ADAP2: variants seen among roughly 807,000 people sequenced by gnomAD.
The protein encoded by ADAP2 is arf-GAP with dual PH domain-containing protein 2.
A neutral mutation model predicts 54.9 loss-of-function variants in ADAP2; 42 were observed. The observed-to-expected ratio is 0.77, with a 90% CI of 0.60 to 0.99. The LOEUF is 0.99. Among genes scored for constraint, ADAP2 ranks in the 50% least tolerant of loss-of-function variants. The probability of loss-of-function intolerance (pLI) is 0.00; values close to 1 mark genes in which losing one functional copy is unlikely to be tolerated. For missense variants in ADAP2, 429 were observed against 480.4 expected, an observed-to-expected ratio of 0.89 and a Z score of 1.00; for synonymous variants, 177 against 180.1, an observed-to-expected ratio of 0.98 and a Z score of 0.14.
At chr17:30,947,249 G>C (rs1299102081) in intron 6 of ADAP2, among the ~76,000 whole-genome samples, 2 of 152,328 alleles carry the variant, frequency 1.3e-5, no homozygotes, top group East Asian at 3.9e-4. Context: ...CATGTATGCA[G>C]GTTGGATTTG....
At chr17:30,953,827 A>G (rs1269585047) in intron 8 of ADAP2, among the ~76,000 whole-genome samples, 1 of 151,570 alleles carries the variant, frequency 6.6e-6, no homozygotes, top group African/African-American at 2.4e-5. Flanking sequence ...ATGAGCCACC[A>G]TGCCCAGCCA....
intron 5 of ADAP2, among the ~76,000 whole-genome samples, chr17:30,937,489 T>C (rs1911975108): frequency 6.6e-6 from 1 of 152,224 alleles, no homozygotes; most frequent in African/African-American, 2.4e-5. Context: ...CCCAAAATGC[T>C]GGGATTATAG....
chr17:30,923,818 G>A (rs1910830454), intron 2 of ADAP2, among the ~76,000 whole-genome samples: 1 of 146,800 alleles, frequency 6.8e-6, no homozygotes, highest in African/African-American at 2.5e-5. Context: ...TCCTGCCTCA[G>A]CCTCCTGAGT....
At chr17:30,937,499 G>C (rs1911975727) in intron 5 of ADAP2, among the ~76,000 whole-genome samples, 2 of 152,336 alleles carry the variant, frequency 1.3e-5, no homozygotes, top group African/African-American at 4.8e-5. Context: ...TGGGATTATA[G>C]GCATGAGCCA....
At chr17:30,932,326 G>A (rs1487981509) in intron 4 of ADAP2, among the ~76,000 whole-genome samples, 4 of 149,674 alleles carry the variant, frequency 2.7e-5, no homozygotes, top group Non-Finnish European at 3.0e-5. Context: ...TCAATCTCCC[G>A]GGCTCACATG....
At chr17:30,932,610 T>C (rs1452943942) in intron 4 of ADAP2, among the ~76,000 whole-genome samples, 1 of 149,188 alleles carries the variant, frequency 6.7e-6, no homozygotes, top group Non-Finnish European at 1.5e-5. Flanking sequence ...AGAGTCTTGC[T>C]CTTGTTGCCC....
chr17:30,927,379 C>G (rs912952041), intron 3 of ADAP2, among the ~76,000 whole-genome samples: 13 of 151,656 alleles, frequency 8.6e-5, no homozygotes, highest in African/African-American at 3.2e-4. Flanking sequence ...TTTGGGAAGC[C>G]GAAGCGGGCA....
intron 2 of ADAP2, among the ~76,000 whole-genome samples, 196 bp from the exon 3 acceptor site, chr17:30,926,631 C>G (rs557272989): frequency 1.3e-5 from 2 of 152,268 alleles, no homozygotes; most frequent in African/African-American, 4.8e-5. Context: ...GAGTCCTGTG[C>G]CCATATGAGG....
chr17:30,950,099 T>C (rs1257330637), intron 7 of ADAP2, among the ~76,000 whole-genome samples: 7 of 152,202 alleles, frequency 4.6e-5, no homozygotes, highest in Non-Finnish European at 8.8e-5. Flanking sequence ...TGATGAGTTA[T>C]ACAGTCCCAG....
chr17:30,942,033 G>A (rs1311267089), intron 5 of ADAP2, among the ~76,000 whole-genome samples: 1 of 151,950 alleles, frequency 6.6e-6, no homozygotes, highest in African/African-American at 2.4e-5. Context: ...ACCCTCACTA[G>A]TAGCTGGGAC....
At chr17:30,922,320 C>G (rs896526182) in intron 1 of ADAP2, among the ~76,000 whole-genome samples, 8 of 152,066 alleles carry the variant, frequency 5.3e-5, no homozygotes, top group African/African-American at 1.7e-4. Flanking sequence ...CCTACGAGCC[C>G]AGGCTCTGCT....
intron 5 of ADAP2, among the ~76,000 whole-genome samples, chr17:30,944,429 G>A (rs1248992209): frequency 6.6e-6 from 1 of 152,082 alleles, no homozygotes; most frequent in East Asian, 2.0e-4. Context: ...CTGAGGTCAG[G>A]AGTTCATGAG....
intron 6 of ADAP2, among the ~76,000 whole-genome samples, chr17:30,948,547 C>T (rs1383777208): frequency 6.6e-6 from 1 of 151,926 alleles, no homozygotes; most frequent in Non-Finnish European, 1.5e-5. Flanking sequence ...ACTCTAGCCT[C>T]GGCGACAGCA....
intron 2 of ADAP2, among the ~76,000 whole-genome samples, chr17:30,925,034 G>A (rs1285867054): frequency 5.9e-5 from 9 of 151,758 alleles, no homozygotes; most frequent in Admixed American, 3.3e-4. Flanking sequence ...CACCATGCTC[G>A]GCTAATTTTG....
intron 3 of ADAP2, among the ~76,000 whole-genome samples, chr17:30,931,410 GACAACAGA>G (rs1911472202): frequency 6.6e-6 from 1 of 152,194 alleles, no homozygotes; most frequent in East Asian, 1.9e-4. Flanking sequence ...CAACCCATAA[GACAACAGA>G]ACAAGGAATT....
chr17:30,931,287 A>G (rs1911458929), intron 3 of ADAP2, among the ~76,000 whole-genome samples: 1 of 152,170 alleles, frequency 6.6e-6, no homozygotes, highest in South Asian at 2.1e-4. Flanking sequence ...CCCCCAGAGG[A>G]CATTTGGCAA....
chr17:30,936,989 C>T (rs1052455069), intron 5 of ADAP2, among the ~76,000 whole-genome samples: 7 of 152,138 alleles, frequency 4.6e-5, no homozygotes, highest in South Asian at 2.1e-4. Context: ...AGTGCAGTGG[C>T]GTGATCTCGG....
chr17:30,954,788 A>G (rs944191682), intron 9 of ADAP2, among the ~76,000 whole-genome samples: 4 of 152,130 alleles, frequency 2.6e-5, no homozygotes, highest in African/African-American at 9.7e-5. Flanking sequence ...AATGCTGCCC[A>G]TGGTAGTTAA....
At chr17:30,937,223 C>T (rs1002232791) in intron 5 of ADAP2, among the ~76,000 whole-genome samples, 2 of 151,524 alleles carry the variant, frequency 1.3e-5, no homozygotes, top group Non-Finnish European at 2.9e-5. Context: ...CGCGCCCGGC[C>T]TATTTATTTA....
Sources: allele counts gnomAD v4.1 joint callset (sites outside exome capture counted in the v4.1 genomes callset), GRCh38; gene constraint gnomAD v4.1.1; transcripts MANE v1.5; gene names NCBI Gene and HGNC (gene_info 2026-07-23, HGNC 2026-07-21).